Variants in HIPK2 observed in about 807,000 individuals in gnomAD.
HIPK2 encodes homeodomain interacting protein kinase 2.
HIPK2 carries 27 observed loss-of-function variants against 113.7 expected under a neutral mutation model. The ratio of observed to expected loss-of-function variants is 0.24; its 90% CI spans 0.17 to 0.33. HIPK2 has a LOEUF of 0.33. Among genes scored for constraint, HIPK2 ranks in the 10% least tolerant of loss-of-function variants. The pLI is 1.00. For missense variants in HIPK2, 1,257 were observed against 1,588.0 expected (o/e 0.79, Z 3.54); for synonymous variants, 631 against 642.2 (o/e 0.98, Z 0.26).
At chr7:139,753,762 C>G (rs903649790) in intron 1 of HIPK2, among the ~76,000 whole-genome samples, 8 of 152,246 alleles carry the variant, frequency 5.3e-5, no homozygotes, top group Non-Finnish European at 1.5e-5. Flanking sequence ...CGTGCATACA[C>G]ACCAGCGGCC....
chr7:139,739,981 TCTC>T (rs1486815636), intron 1 of HIPK2, among the ~76,000 whole-genome samples: 1 of 152,200 alleles, frequency 6.6e-6, no homozygotes, highest in Admixed American at 6.5e-5. Context: ...TTGGGCTGCT[TCTC>T]CTTTTCGCTG....
intron 1 of HIPK2, 112 bp downstream of exon 1, chr7:139,777,493 G>C: frequency 3.3e-6 from 1 of 300,422 alleles, no homozygotes; most frequent in Non-Finnish European, 5.0e-6. Flanking sequence ...GGCCCCGGGT[G>C]GGGGCTGGGG....
At chr7:139,622,544 T>C in intron 6 of HIPK2, among the ~76,000 whole-genome samples, 1 of 152,240 alleles carries the variant, frequency 6.6e-6, no homozygotes, top group East Asian at 1.9e-4. Flanking sequence ...GCAAGTCCTT[T>C]CACTTTAGGT....
At chr7:139,599,910 A>C (rs955043851) in intron 11 of HIPK2, among the ~76,000 whole-genome samples, 1 of 152,126 alleles carries the variant, frequency 6.6e-6, no homozygotes, top group Non-Finnish European at 1.5e-5. Flanking sequence ...AACCTTGCTA[A>C]GTCAGTTTAG....
chr7:139,739,177 T>C (rs1796028062), intron 1 of HIPK2, among the ~76,000 whole-genome samples: 2 of 152,194 alleles, frequency 1.3e-5, no homozygotes, highest in South Asian at 4.1e-4. Context: ...CTCCTTGCCT[T>C]AGCCTCTCTA....
In HIPK2 at chr7:139,662,188, T is replaced by C. The variant is rs149970688; in HGVS notation, c.1104-30463A>G. On this transcript the variant is annotated intron_variant, in intron 2 of 14. Transcript: ENST00000406875. ...CTCTTTAATCCATGCTCTTTGAGTATAGTCCTTAGCTAACATCCAGCCAGC... is the reference window on the plus strand; with the variant it reads ...CTCTTTAATCCATGCTCTTTGAGTACAGTCCTTAGCTAACATCCAGCCAGC... 2.7e-4 allele frequency among the ~76,000 whole-genome samples: 41 copies of C among 152,330 alleles called. No individual in the cohort carries two copies. The East Asian group carries it at 6.8e-3, about 25-fold the overall frequency.
At chr7:139,680,742 G>C (rs1172849092) in intron 2 of HIPK2, among the ~76,000 whole-genome samples, 1 of 152,232 alleles carries the variant, frequency 6.6e-6, no homozygotes, top group East Asian at 1.9e-4. Context: ...TTCCCAACCA[G>C]GACATGAAGA....
chr7:139,572,897 C>CAACCAA lies in HIPK2; in HGVS notation c.*29_*30insTTGGTT. 7 of 571,116 alleles carry CAACCAA rather than the reference C, an allele frequency of 1.2e-5. No homozygotes were observed. Among genetic ancestry groups the CAACCAA allele is most frequent in the Non-Finnish European group, 2.3e-5 (7 of 308,982 alleles). The allele number at this position is 571,116 out of a possible 1,614,324, so 35.4% of individuals were successfully genotyped here. On this transcript the variant is annotated 3_prime_UTR_variant, in exon 15 of 15. Coordinates refer to ENST00000406875, the MANE Select transcript of HIPK2 (RefSeq NM_022740.5). ...CCTCCTCCCTCGGGCCATTCTCTCC[C>CAACCAA]TCCCTCCCTCCCTCCCTCCCCTCCA...
intron 2 of HIPK2, among the ~76,000 whole-genome samples, chr7:139,650,489 C>G (rs1442415878): frequency 6.9e-6 from 1 of 144,414 alleles, no homozygotes; most frequent in Non-Finnish European, 1.5e-5. Flanking sequence ...TTAAACTATT[C>G]TCAGGGTTGG....
At chr7:139,592,484 C>T (rs528226626) in intron 12 of HIPK2, among the ~76,000 whole-genome samples, 1 of 152,336 alleles carries the variant, frequency 6.6e-6, no homozygotes, top group African/African-American at 2.4e-5. Flanking sequence ...CACCTGTAAT[C>T]CCAGCACTTT....
chr7:139,669,024 C>T (rs1297907919), intron 2 of HIPK2, among the ~76,000 whole-genome samples: 1 of 152,212 alleles, frequency 6.6e-6, no homozygotes, highest in African/African-American at 2.4e-5. Flanking sequence ...ACTCAATTTA[C>T]AGAAAAGCCA....
At chr7:139,703,964 A>C in intron 2 of HIPK2, among the ~76,000 whole-genome samples, 1 of 107,064 alleles carries the variant, frequency 9.3e-6, no homozygotes. Context: ...CACCCCCAAC[A>C]CACACCACAC....
chr7:139,760,160 G>A (rs1398679806), intron 1 of HIPK2, among the ~76,000 whole-genome samples: 4 of 152,008 alleles, frequency 2.6e-5, no homozygotes, highest in East Asian at 1.9e-4. Flanking sequence ...CCGCCACCAC[G>A]CCCAGCTAAT....
At chr7:139,642,557 C>T (rs937750766) in intron 2 of HIPK2, among the ~76,000 whole-genome samples, 2 of 152,258 alleles carry the variant, frequency 1.3e-5, no homozygotes, top group African/African-American at 2.4e-5. Context: ...CACACCATGC[C>T]TAGGGGGATC....
chr7:139,590,505 G>T (rs1798981291), intron 12 of HIPK2, among the ~76,000 whole-genome samples: 1 of 152,090 alleles, frequency 6.6e-6, no homozygotes, highest in African/African-American at 2.4e-5. Context: ...CAAGACCAGG[G>T]TCAAAACTCA....
chr7:139,603,007 G>A (rs1406403509), intron 10 of HIPK2, among the ~76,000 whole-genome samples: 5 of 152,126 alleles, frequency 3.3e-5, no homozygotes, highest in African/African-American at 9.7e-5. Context: ...GCATGAGGGC[G>A]TTGCCAGAAG....
At position 139,716,881 on chromosome 7, in the gene HIPK2, T is replaced by C. The variant is rs544274991; in HGVS notation, c.154A>G (p.Ser52Gly). The change falls in exon 2 of 15, where the codon AGC becomes GGC. Residue 52 changes from serine (S) to glycine (G), a missense_variant. Ser to Gly is a moderately conservative substitution (Grantham distance 56). Transcript: ENST00000406875. The surrounding 1 kb of genome is among the most constrained non-coding windows in gnomAD (Gnocchi z 9.3). ...TGYGSHSKVY[S>G]QSKNIPLSQP... ...GACAGGGGGATGTTCTTGCTCTGGC[T>C]ATACACTTTGCTGTGGGAGCCGTAC... is the stretch of plus-strand genomic sequence containing the variant. 4 of 1,613,950 alleles carry C rather than the reference T, an allele frequency of 2.5e-6. No homozygotes were observed. Among genetic ancestry groups the C allele is most frequent in the Non-Finnish European group, 2.5e-6 (3 of 1,179,888 alleles).
intron 2 of HIPK2, among the ~76,000 whole-genome samples, chr7:139,640,935 CTTTCTT>C (rs1800993468): frequency 6.6e-6 from 1 of 152,160 alleles, no homozygotes; most frequent in Admixed American, 6.6e-5. Flanking sequence ...TTTAAAGCCA[CTTTCTT>C]TCTGATATGG....
chr7:139,605,233 C>A (rs1419227047), intron 9 of HIPK2, among the ~76,000 whole-genome samples: 6 of 143,322 alleles, frequency 4.2e-5, no homozygotes, highest in Non-Finnish European at 9.0e-5. Flanking sequence ...GATAGATTCA[C>A]TGGTGTGTGT....
Sources: allele counts gnomAD v4.1 joint callset (sites outside exome capture counted in the v4.1 genomes callset), GRCh38; gene constraint gnomAD v4.1.1; non-coding constraint Gnocchi (gnomAD v3.1); transcripts MANE v1.5; gene names NCBI Gene and HGNC (gene_info 2026-07-23, HGNC 2026-07-21).